The following SMAP1 variants were observed in gnomAD, a reference collection of about 807,000 sequenced individuals.
The protein encoded by SMAP1 is stromal membrane-associated protein 1.
In SMAP1, 24 loss-of-function variants were observed where a neutral mutation model predicts 58.5. The ratio of observed to expected loss-of-function variants is 0.41; its 90% CI spans 0.30 to 0.58. SMAP1 has a LOEUF of 0.58. Among genes scored for constraint, SMAP1 ranks in the 20% least tolerant of loss-of-function variants. The pLI is 0.29. For missense variants in SMAP1, 563 were observed against 566.3 expected, an observed-to-expected ratio of 0.99 and a Z score of 0.06; for synonymous variants, 216 against 196.6, an observed-to-expected ratio of 1.10 and a Z score of -0.82.
chr6:70,732,605 T>C, intron 2 of SMAP1, 94 bp downstream of exon 2: 1 of 1,138,276 alleles, frequency 8.8e-7, no homozygotes, highest in Non-Finnish European at 1.1e-6. Flanking sequence ...CATTGAAAAG[T>C]AGTTTTGTAT....
chr6:70,777,333 C>T (rs151030508), intron 4 of SMAP1, among the ~76,000 whole-genome samples: 5 of 152,294 alleles, frequency 3.3e-5, no homozygotes, highest in East Asian at 1.9e-4. Flanking sequence ...TGTTCCTATT[C>T]GGCCATCTTG....
At chr6:70,812,241 T>C (rs1007602289) in intron 6 of SMAP1, among the ~76,000 whole-genome samples, 1 of 152,188 alleles carries the variant, frequency 6.6e-6, no homozygotes, top group Admixed American at 6.5e-5. Context: ...AGAAAAGTTT[T>C]AATACCATTA....
chr6:70,672,789 C>T (rs1043727503), intron 1 of SMAP1, among the ~76,000 whole-genome samples: 2 of 152,006 alleles, frequency 1.3e-5, no homozygotes, highest in African/African-American at 4.8e-5. Context: ...TGGGACCAGT[C>T]ACAGAAGGAG....
intron 3 of SMAP1, among the ~76,000 whole-genome samples, chr6:70,761,151 A>G (rs1766730159): frequency 6.6e-6 from 1 of 152,038 alleles, no homozygotes; most frequent in Non-Finnish European, 1.5e-5. Flanking sequence ...AAAGAAAAAA[A>G]TCTTAAAATA....
At chr6:70,846,642 G>C (rs1326868471) in intron 7 of SMAP1, among the ~76,000 whole-genome samples, 1 of 152,136 alleles carries the variant, frequency 6.6e-6, no homozygotes, top group East Asian at 1.9e-4. Flanking sequence ...TGGGTGTTGT[G>C]GGCTCAGGAG....
intron 3 of SMAP1, among the ~76,000 whole-genome samples, chr6:70,767,994 A>G (rs1767076748): frequency 6.6e-6 from 1 of 150,590 alleles, no homozygotes; most frequent in South Asian, 2.1e-4. Flanking sequence ...CCTTTTCTGC[A>G]TCTATTGAGA....
At chr6:70,710,139 A>C (rs1767993858) in intron 1 of SMAP1, among the ~76,000 whole-genome samples, 2 of 152,304 alleles carry the variant, frequency 1.3e-5, no homozygotes, top group South Asian at 4.1e-4. Flanking sequence ...ATTGTAGCAC[A>C]TAGTGTTTAT....
intron 4 of SMAP1, among the ~76,000 whole-genome samples, chr6:70,785,000 A>AT (rs1435566933): frequency 1.3e-5 from 2 of 152,100 alleles, no homozygotes; most frequent in East Asian, 1.9e-4. Context: ...CAGAATATAC[A>AT]TTTTTTTCAG....
intron 6 of SMAP1, among the ~76,000 whole-genome samples, chr6:70,803,962 T>C (rs569424498): frequency 6.6e-6 from 1 of 152,330 alleles, no homozygotes; most frequent in East Asian, 1.9e-4. Flanking sequence ...ATGTATATTC[T>C]GTTGATTTGG....
chr6:70,779,089 C>T (rs1582167568), intron 4 of SMAP1, among the ~76,000 whole-genome samples: 1 of 152,194 alleles, frequency 6.6e-6, no homozygotes, highest in South Asian at 2.1e-4. Flanking sequence ...TGGTGGCAGC[C>T]CCAGGCAGGC....
At chr6:70,793,892 G>A (rs899030902) in intron 5 of SMAP1, among the ~76,000 whole-genome samples, 2 of 151,824 alleles carry the variant, frequency 1.3e-5, no homozygotes, top group African/African-American at 2.4e-5. Flanking sequence ...GCGCCACCAT[G>A]CCTGGCTAAT....
chr6:70,782,620 C>T (rs1767809979), intron 4 of SMAP1, among the ~76,000 whole-genome samples: 3 of 152,188 alleles, frequency 2.0e-5, no homozygotes, highest in Admixed American at 6.6e-5. Context: ...AATTGGCTCT[C>T]CTTGCTCTTC....
intron 1 of SMAP1, among the ~76,000 whole-genome samples, chr6:70,684,648 A>G (rs531202230): frequency 4.6e-5 from 7 of 152,032 alleles, no homozygotes; most frequent in Non-Finnish European, 1.0e-4. Context: ...TGTAGATTTT[A>G]TTAGTTCCTT....
chr6:70,815,539 T>G (rs937693360), intron 6 of SMAP1, among the ~76,000 whole-genome samples: 1 of 151,818 alleles, frequency 6.6e-6, no homozygotes, highest in Non-Finnish European at 1.5e-5. Flanking sequence ...GCGGGGGGAG[T>G]GGGGCAGATT....
chr6:70,721,706 C>A (rs895641637), intron 1 of SMAP1, among the ~76,000 whole-genome samples: 7 of 152,178 alleles, frequency 4.6e-5, no homozygotes, highest in African/African-American at 1.7e-4. Context: ...CTTACAGTTC[C>A]ACATGGCTGG....
Position 70,791,770 on chromosome 6 carries a change from G to A in SMAP1, c.495+1G>A. 6.2e-7 allele frequency: 1 copy of A among 1,611,570 alleles called. No individual in the cohort carries two copies. The highest frequency in any genetic ancestry group is 8.5e-7 in the Non-Finnish European group (1 of 1,178,290). ...TGCTGTTGACAAAAATAAATTGGAG[G>A]TATGGTCATGTTTTAACCAGCTACA... On this transcript the variant is annotated splice_donor_variant, in intron 5 of 10. Transcript: ENST00000370455. LOFTEE classifies it high-confidence loss of function.
chr6:70,825,839 A>G (rs900542739), intron 6 of SMAP1, among the ~76,000 whole-genome samples: 7 of 152,326 alleles, frequency 4.6e-5, no homozygotes, highest in Admixed American at 2.6e-4. Context: ...CCTGCCTCTC[A>G]TTCACACACA....
rs1767349438 is a variant in SMAP1 at position 70,772,088 on chromosome 6, G to A, written c.339-1262G>A. Among the ~76,000 whole-genome samples the A allele has an allele frequency of 2.6e-5, 4 of 152,144 alleles. No homozygotes were observed. In the South Asian group the frequency reaches 6.2e-4, roughly 24 times the overall value. On this transcript the variant is annotated intron_variant, in intron 3 of 10. Transcript: ENST00000370455. ...ATTTAGACATGTGAAATAACCTGAT[G>A]TGCATATCTTGGGGATATGAGATGA... is the stretch of plus-strand genomic sequence containing the variant.
intron 1 of SMAP1, among the ~76,000 whole-genome samples, chr6:70,724,593 T>C (rs11752509): frequency 0.12 from 18,650 of 152,314 alleles, 1,490 homozygotes; most frequent in South Asian, 0.2. Context: ...TTAAATAGTA[T>C]GTGGAAACTT....
Sources: allele counts gnomAD v4.1 joint callset (sites outside exome capture counted in the v4.1 genomes callset), GRCh38; gene constraint gnomAD v4.1.1; transcripts MANE v1.5; gene names NCBI Gene and HGNC (gene_info 2026-07-23, HGNC 2026-07-21).